The following SHISAL2A variants were observed in gnomAD, a reference collection of about 807,000 sequenced individuals.
SHISAL2A encodes protein shisa-like-2A.
SHISAL2A carries 18 observed loss-of-function variants against 11.5 expected under a neutral mutation model. The observed-to-expected ratio is 1.57, with a 90% confidence interval of 1.08 to 2.33. SHISAL2A has a LOEUF of 2.33. Ranked by LOEUF, SHISAL2A falls within the 30% of genes most tolerant of loss-of-function variation. SHISAL2A has a pLI of 0.00. For missense variants in SHISAL2A, 261 were observed against 250.9 expected, an observed-to-expected ratio of 1.04 and a Z score of -0.27; for synonymous variants, 94 against 99.6, an observed-to-expected ratio of 0.94 and a Z score of 0.34.
chr1:52,647,783 T>C (rs904988286), intron 2 of SHISAL2A, among the ~76,000 whole-genome samples: 2 of 150,606 alleles, frequency 1.3e-5, no homozygotes, highest in African/African-American at 2.4e-5. Context: ...AGGTGGAGAC[T>C]GCAGTGAGCC....
intron 2 of SHISAL2A, among the ~76,000 whole-genome samples, chr1:52,651,290 T>G (rs1691640571): frequency 6.6e-6 from 1 of 152,180 alleles, no homozygotes; most frequent in Non-Finnish European, 1.5e-5. Flanking sequence ...CAGGCTAGAG[T>G]GCAGTGGTGT....
At chr1:52,651,579 C>T (rs992955777) in intron 2 of SHISAL2A, among the ~76,000 whole-genome samples, 1 of 152,064 alleles carries the variant, frequency 6.6e-6, no homozygotes, top group African/African-American at 2.4e-5. Flanking sequence ...GAGTCTCACC[C>T]TCTTGCCCAG....
chr1:52,653,247 G>A (rs1010571783), intron 2 of SHISAL2A, among the ~76,000 whole-genome samples: 9 of 121,776 alleles, frequency 7.4e-5, no homozygotes, highest in Non-Finnish European at 1.1e-4. Flanking sequence ...CCAGGAGTTC[G>A]AGATCATTCT....
intron 2 of SHISAL2A, among the ~76,000 whole-genome samples, chr1:52,647,127 C>T (rs1375018901): frequency 2.0e-5 from 3 of 152,130 alleles, no homozygotes; most frequent in East Asian, 1.9e-4. Flanking sequence ...AGCCACTGTA[C>T]CTGGCCTGTT....
chr1:52,640,611 CAAAA>C (rs111376094), intron 1 of SHISAL2A, among the ~76,000 whole-genome samples: 2 of 137,086 alleles, frequency 1.5e-5, no homozygotes, highest in African/African-American at 5.3e-5. Context: ...TGTCTCAAAA[CAAAA>C]AAAAAAACAA....
chr1:52,635,072 A>T (rs1423861826), intron 1 of SHISAL2A, among the ~76,000 whole-genome samples: 1 of 152,200 alleles, frequency 6.6e-6, no homozygotes, highest in African/African-American at 2.4e-5. Flanking sequence ...TTTTCTGTTC[A>T]TCCATATATT....
At chr1:52,648,670 T>TCG (rs1422350046) in intron 2 of SHISAL2A, among the ~76,000 whole-genome samples, 2 of 152,152 alleles carry the variant, frequency 1.3e-5, no homozygotes, top group African/African-American at 4.8e-5. Flanking sequence ...AAATCAGGTC[T>TCG]CAGAGAGCTT....
At chr1:52,648,478 G>A (rs10788940) in intron 2 of SHISAL2A, among the ~76,000 whole-genome samples, 25,670 of 152,006 alleles carry the variant, frequency 0.17, 3,800 homozygotes, top group African/African-American at 0.34. Context: ...CAAAGTCACC[G>A]AATGAGTGAC....
chr1:52,643,511 A>G (rs2149878394), intron 2 of SHISAL2A, among the ~76,000 whole-genome samples: 1 of 152,274 alleles, frequency 6.6e-6, no homozygotes, highest in Middle Eastern at 3.4e-3. Context: ...CTTTTTCACA[A>G]GCCTTTTTTG....
Position 52,633,371 on chromosome 1 carries a change from TG to T in SHISAL2A, c.-120del. Reference sequence around the variant, plus strand: ...CTCTGTCTCGGCTTCTCTCGGCCCCTGGGTCTCTTCGTCTCTGCCGTTCTCA... The same window carrying T: ...CTCTGTCTCGGCTTCTCTCGGCCCCTGGTCTCTTCGTCTCTGCCGTTCTCA... On this transcript the variant is annotated 5_prime_UTR_variant, in exon 1 of 3. Transcript: ENST00000517870. The surrounding 1 kb of genome is among the most constrained non-coding windows in gnomAD (Gnocchi z 6.4). 1.1e-6 allele frequency: 1 copy of T among 897,960 alleles called. No homozygotes were observed. The highest frequency in any genetic ancestry group is 2.0e-5 in the South Asian group (1 of 49,830). The allele number at this position is 897,960 out of a possible 1,614,324, so 55.6% of individuals were successfully genotyped here. A position where few individuals can be genotyped will look rare whatever the true frequency, so the allele number is the denominator to read the frequency against.
At chr1:52,636,822 C>G (rs1490278876) in intron 1 of SHISAL2A, among the ~76,000 whole-genome samples, 1 of 152,202 alleles carries the variant, frequency 6.6e-6, no homozygotes, top group Non-Finnish European at 1.5e-5. Flanking sequence ...TGTCTCATCT[C>G]AAGCCCTGGC....
chr1:52,642,560 A>T (rs1336506505), intron 1 of SHISAL2A, among the ~76,000 whole-genome samples: 1 of 151,546 alleles, frequency 6.6e-6, no homozygotes. Flanking sequence ...CGAGTAGGTG[A>T]GATTACAGAT....
chr1:52,641,446 T>C (rs915460182), intron 1 of SHISAL2A, among the ~76,000 whole-genome samples: 1 of 152,142 alleles, frequency 6.6e-6, no homozygotes, highest in Non-Finnish European at 1.5e-5. Context: ...AACCCCCCCA[T>C]ACATCTGGTG....
In SHISAL2A at chr1:52,633,514, C is replaced by G. The variant is rs751739141; in HGVS notation, c.21C>G (p.Ser7Arg). 1.9e-6 allele frequency: 3 copies of G among 1,567,314 alleles called. No individual in the cohort carries two copies. Among genetic ancestry groups the G allele is most frequent in the Non-Finnish European group, 2.6e-6 (3 of 1,160,748 alleles). ...GCGCGATGAGCGGCGCCTGCACGAG[C>G]TACGTGAGCGCAGAGCAGGAGGTGG... MSGACT[S>R]YVSAEQEVVR... Residue 7 changes from serine (S) to arginine (R), a missense_variant, in exon 1 of 3, where the codon AGC (serine) becomes AGG (arginine). Transcript: ENST00000517870. This position sits in a 1 kb window ranked among gnomAD's most constrained non-coding sequence, Gnocchi z 6.4.
At chr1:52,648,880 C>T (rs1460579305) in intron 2 of SHISAL2A, among the ~76,000 whole-genome samples, 2 of 149,230 alleles carry the variant, frequency 1.3e-5, no homozygotes, top group Admixed American at 6.7e-5. Flanking sequence ...AAGCGGAATA[C>T]AGTTCATCCC....
intron 2 of SHISAL2A, among the ~76,000 whole-genome samples, chr1:52,654,224 T>TAG (rs1691737800): frequency 6.8e-6 from 1 of 147,672 alleles, no homozygotes; most frequent in Non-Finnish European, 1.5e-5. Context: ...ATGGCAGTTT[T>TAG]ATAGATAGAT....
intron 4 of SHISAL2A, among the ~76,000 whole-genome samples, chr1:52,665,705 A>T (rs269320): frequency 0.47 from 70,564 of 150,184 alleles, 19,316 homozygotes; most frequent in African/African-American, 0.77. Context: ...ACCCATCCCC[A>T]CCTCCCTCCC....
At chr1:52,654,826 T>C (rs1174551437) in intron 2 of SHISAL2A, among the ~76,000 whole-genome samples, 7 of 152,200 alleles carry the variant, frequency 4.6e-5, no homozygotes, top group Admixed American at 3.3e-4. Flanking sequence ...CTGTGAAAGA[T>C]CCTGTTAAGA....
At chr1:52,650,087 G>A (rs1343644947) in intron 2 of SHISAL2A, among the ~76,000 whole-genome samples, 1 of 152,100 alleles carries the variant, frequency 6.6e-6, no homozygotes, top group East Asian at 1.9e-4. Flanking sequence ...ACTTTCATCA[G>A]CCCCTCCCAC....
Sources: gnomAD v4.1 joint callset for allele counts (sites outside exome capture counted in the v4.1 genomes callset) on GRCh38, gnomAD v4.1.1 for gene constraint, Gnocchi (gnomAD v3.1) non-coding constraint, MANE v1.5 for transcripts, NCBI Gene and HGNC (gene_info 2026-07-23, HGNC 2026-07-21) for gene names.